PDE4D: variants seen among roughly 807,000 people sequenced by gnomAD.
The protein encoded by PDE4D is 3',5'-cyclic-AMP phosphodiesterase 4D.
PDE4D carries 24 observed loss-of-function variants against 87.4 expected under a neutral mutation model. The ratio of observed to expected loss-of-function variants is 0.27; its 90% confidence interval spans 0.20 to 0.39. The LOEUF is 0.39. Ranked by LOEUF, PDE4D falls within the 10% of genes least tolerant of loss-of-function variation. The probability of loss-of-function intolerance (pLI) is 1.00; values close to 1 mark genes in which losing one functional copy is unlikely to be tolerated. For synonymous variants in PDE4D, 384 were observed against 383.2 expected, an observed-to-expected ratio of 1.00 and a Z score of -0.02; for missense variants, 714 against 1,041.0, an observed-to-expected ratio of 0.69 and a Z score of 4.32.
upstream of PDE4D, among the ~76,000 whole-genome samples, chr5:59,896,415 T>C (rs1751661450): frequency 6.6e-6 from 1 of 152,022 alleles, no homozygotes; most frequent in African/African-American, 2.4e-5. Flanking sequence ...TTCCAAACTT[T>C]GATGTTATCA....
Position 60,197,552 on chromosome 5 carries a change from A to G in PDE4D, c.-89-11865T>C, listed in dbSNP as rs953845219. 4.0e-5 allele frequency among the ~76,000 whole-genome samples: 6 copies of G among 151,770 alleles called. No individual in the cohort carries two copies. In the South Asian group the frequency reaches 1.2e-3, roughly 32 times the overall value. On this transcript the variant is annotated intron_variant, in intron 1 of 16. Coordinates refer to the PDE4D transcript ENST00000502484. ...AGAGACAAAAGGGAATTGGTAGAGC[A>G]TCATGCAGATCTTACTTGAGGTAGG...
intron 1 of PDE4D, among the ~76,000 whole-genome samples, chr5:59,350,692 T>C (rs564171616): frequency 5.8e-4 from 88 of 152,344 alleles, no homozygotes; most frequent in African/African-American, 2.1e-3. Flanking sequence ...ATTCTATTAT[T>C]AATAATAGCT....
intron 2 of PDE4D, among the ~76,000 whole-genome samples, chr5:60,096,421 A>G (rs1775685942): frequency 6.6e-6 from 1 of 152,164 alleles, no homozygotes; most frequent in Admixed American, 6.6e-5. Flanking sequence ...TTAAAAATTA[A>G]TATTGTTTAA....
chr5:59,314,156 G>T (rs1319842178), intron 1 of PDE4D: 1 of 152,050 alleles, frequency 6.6e-6, no homozygotes, highest in African/African-American at 2.4e-5. Flanking sequence ...ACCCCTCCAG[G>T]CTATGTATTT....
chr5:59,862,605 T>G (rs1746443371), intron 1 of PDE4D, among the ~76,000 whole-genome samples: 1 of 152,200 alleles, frequency 6.6e-6, no homozygotes, highest in Non-Finnish European at 1.5e-5. Context: ...GGGATGCTAA[T>G]AAGACCTATC....
chr5:60,395,887 A>G (rs1265828094), intron 1 of PDE4D, among the ~76,000 whole-genome samples: 1 of 152,060 alleles, frequency 6.6e-6, no homozygotes, highest in African/African-American at 2.4e-5. Flanking sequence ...CACACCGCTT[A>G]AGCCTGCCCA....
chr5:59,914,697 C>T (rs1753828203), intron 3 of PDE4D, among the ~76,000 whole-genome samples: 3 of 151,802 alleles, frequency 2.0e-5, no homozygotes, highest in Non-Finnish European at 4.4e-5. Context: ...AGATCATACT[C>T]TGGCTGCCAT....
intron 1 of PDE4D, among the ~76,000 whole-genome samples, chr5:60,359,935 T>C (rs1419345270): frequency 6.6e-6 from 1 of 152,244 alleles, no homozygotes; most frequent in African/African-American, 2.4e-5. Context: ...CATGCTTTTG[T>C]AAATACCTTT....
At chr5:60,132,857 G>A (rs894006180) in intron 2 of PDE4D, among the ~76,000 whole-genome samples, 2 of 151,456 alleles carry the variant, frequency 1.3e-5, no homozygotes, top group Admixed American at 6.6e-5. Context: ...ACTATACCTC[G>A]AGAAAAAAAA....
intron 2 of PDE4D, among the ~76,000 whole-genome samples, chr5:59,996,492 T>C (rs1213758436): frequency 1.3e-5 from 2 of 152,232 alleles, no homozygotes; most frequent in Non-Finnish European, 2.9e-5. Flanking sequence ...TAACATATTA[T>C]ATGCCAATAG....
chr5:60,085,636 GA>G (rs1311617810), intron 2 of PDE4D, among the ~76,000 whole-genome samples: 1 of 152,160 alleles, frequency 6.6e-6, no homozygotes, highest in Non-Finnish European at 1.5e-5. Flanking sequence ...GTGATGGAGG[GA>G]AAAAGTCCTA....
intron 1 of PDE4D, among the ~76,000 whole-genome samples, chr5:60,271,074 T>G (rs1750761426): frequency 6.6e-6 from 1 of 152,218 alleles, no homozygotes; most frequent in South Asian, 2.1e-4. Context: ...CCACCTTTCC[T>G]GGTATGATAA....
At chr5:60,067,646 C>A (rs1221504417) in intron 2 of PDE4D, among the ~76,000 whole-genome samples, 2 of 152,066 alleles carry the variant, frequency 1.3e-5, no homozygotes, top group Non-Finnish European at 2.9e-5. Flanking sequence ...TGTTGTATAA[C>A]AGATCCCTAG....
chr5:59,838,027 C>T (rs1228880256), intron 1 of PDE4D, among the ~76,000 whole-genome samples: 1 of 152,008 alleles, frequency 6.6e-6, no homozygotes, highest in Non-Finnish European at 1.5e-5. Flanking sequence ...TTATAATTTA[C>T]ACACTTTAGT....
chr5:60,429,771 T>C, intron 1 of PDE4D: 1 of 286,516 alleles, frequency 3.5e-6, no homozygotes, highest in East Asian at 9.3e-5. Flanking sequence ...CATTTATTGA[T>C]TTGCATATGT....
At chr5:60,500,853 A>G (rs1750035794) in intron 1 of PDE4D, among the ~76,000 whole-genome samples, 1 of 152,178 alleles carries the variant, frequency 6.6e-6, no homozygotes, top group South Asian at 2.1e-4. Context: ...TGGAAATGGG[A>G]ATTATTGCTA....
Position 59,557,501 on chromosome 5 carries a change from G to A in PDE4D, c.455+335667C>T, listed in dbSNP as rs935721824. Among the ~76,000 whole-genome samples the A allele has an allele frequency of 7.3e-5, 11 of 150,230 alleles. No individual in the cohort carries two copies. In the East Asian group the frequency reaches 1.9e-3, roughly 27 times the overall value. ...GAGACACTGGGCAGGGTTAAAGATTGTGGCCAGGTTTTTTTTTTTCCACTT... is the reference window on the plus strand; with the variant it reads ...GAGACACTGGGCAGGGTTAAAGATTATGGCCAGGTTTTTTTTTTTCCACTT... On this transcript the variant is annotated intron_variant, in intron 1 of 14. Transcript: ENST00000340635.
intron 1 of PDE4D, among the ~76,000 whole-genome samples, chr5:60,345,283 C>A (rs59576667): frequency 0.1 from 15,753 of 151,410 alleles, 1,623 homozygotes; most frequent in African/African-American, 0.27. Context: ...ACATCACACA[C>A]TGGGGCCTGT....
intron 1 of PDE4D, among the ~76,000 whole-genome samples, chr5:59,352,758 G>T (rs1002614948): frequency 6.6e-6 from 1 of 152,064 alleles, no homozygotes; most frequent in East Asian, 1.9e-4. Flanking sequence ...TTGTACTTTT[G>T]TTTGTTGATC....
Sources: allele counts gnomAD v4.1 joint callset (sites outside exome capture counted in the v4.1 genomes callset), GRCh38; gene constraint gnomAD v4.1.1; transcripts MANE v1.5; gene names NCBI Gene and HGNC (gene_info 2026-07-23, HGNC 2026-07-21).